The following HIP1 variants were observed in gnomAD, a reference collection of about 807,000 sequenced individuals.
HIP1 encodes huntingtin interacting protein 1.
A neutral mutation model predicts 147.6 loss-of-function variants in HIP1; 65 were observed. The ratio of observed to expected loss-of-function variants is 0.44; its 90% CI spans 0.36 to 0.54. The LOEUF is 0.54. HIP1 is among the 20% of genes least tolerant of loss of function. The pLI, the probability that HIP1 is intolerant of heterozygous loss-of-function variation, is 0.00. For synonymous variants in HIP1, 479 were observed against 504.0 expected (o/e 0.95, Z 0.67); for missense variants, 1,061 against 1,299.6 (o/e 0.82, Z 2.82).
At chr7:75,672,651 C>T (rs1340022781) in intron 1 of HIP1, among the ~76,000 whole-genome samples, 2 of 152,084 alleles carry the variant, frequency 1.3e-5, no homozygotes, top group African/African-American at 4.8e-5. Context: ...CGACAGTGTC[C>T]TTTGAAGCAA....
intron 1 of HIP1, among the ~76,000 whole-genome samples, chr7:75,609,542 C>T (rs587693454): frequency 6.6e-5 from 10 of 152,000 alleles, no homozygotes; most frequent in East Asian, 3.9e-4. Context: ...TCATACTCAA[C>T]GGTACCGTTT....
intron 29 of HIP1, among the ~76,000 whole-genome samples, chr7:75,539,664 A>G (rs1794231016): frequency 6.6e-6 from 1 of 151,940 alleles, no homozygotes; most frequent in African/African-American, 2.4e-5. Flanking sequence ...TGCATTGTGA[A>G]TTCCTCTTCT....
At chr7:75,603,174 G>A (rs1292646871) in intron 1 of HIP1, among the ~76,000 whole-genome samples, 4 of 151,614 alleles carry the variant, frequency 2.6e-5, no homozygotes, top group South Asian at 2.1e-4. Flanking sequence ...CAGCGAAACC[G>A]TGTCTCTACT....
At chr7:75,726,131 A>C (rs1218615655) in intron 1 of HIP1, among the ~76,000 whole-genome samples, 1 of 152,202 alleles carries the variant, frequency 6.6e-6, no homozygotes, top group African/African-American at 2.4e-5. Flanking sequence ...GGCGTGAGCC[A>C]CCGCGCCCAG....
intron 1 of HIP1, among the ~76,000 whole-genome samples, chr7:75,703,327 A>C (rs4731833): frequency 6.6e-6 from 1 of 151,828 alleles, no homozygotes; most frequent in African/African-American, 2.4e-5. Context: ...CAGCCTGGGC[A>C]ACAGAGCAAG....
At chr7:75,618,605 CA>C (rs1478122610) in intron 1 of HIP1, among the ~76,000 whole-genome samples, 4 of 152,108 alleles carry the variant, frequency 2.6e-5, no homozygotes, top group Non-Finnish European at 2.9e-5. Flanking sequence ...AGCTTTCTAA[CA>C]GTGAGGTTAG....
In HIP1 at chr7:75,606,532, C is replaced by T. The variant is rs1247053710; in HGVS notation, c.121-7285G>A. On this transcript the variant is annotated intron_variant, in intron 1 of 30. Transcript: ENST00000336926. ...TGCAGGTTGCAGTGAGCCGAGATCC[C>T]GCCATTGTACTCCTGCCTGGGCGAC... Among the ~76,000 whole-genome samples the T allele has an allele frequency of 5.9e-5, 9 of 151,780 alleles. No individual in the cohort carries two copies. The East Asian group carries it at 1.4e-3, about 23-fold the overall frequency.
At chr7:75,733,100 AT>A (rs1389735892) in intron 1 of HIP1, among the ~76,000 whole-genome samples, 2 of 152,156 alleles carry the variant, frequency 1.3e-5, no homozygotes, top group African/African-American at 4.8e-5. Context: ...AGACTATTTT[AT>A]TTGTCCTGTG....
intron 1 of HIP1, among the ~76,000 whole-genome samples, chr7:75,617,998 C>T (rs1479657528): frequency 6.6e-6 from 1 of 152,216 alleles, no homozygotes; most frequent in Non-Finnish European, 1.5e-5. Context: ...TCGTAATGGC[C>T]CTGGCCAGAG....
intron 1 of HIP1, among the ~76,000 whole-genome samples, chr7:75,642,918 G>C (rs1798692758): frequency 6.6e-6 from 1 of 152,178 alleles, no homozygotes; most frequent in African/African-American, 2.4e-5. Context: ...TGCATCTTGA[G>C]TGCCCTGGCC....
chr7:75,599,303 G>A, intron 1 of HIP1, 56 bp from the exon 2 acceptor site: 1 of 1,372,354 alleles, frequency 7.3e-7, no homozygotes, highest in Non-Finnish European at 1.0e-6. Context: ...GCCTCTGAGA[G>A]TGGCTGAGAC....
chr7:75,555,187 C>CGGGGGG (rs1178357186), intron 19 of HIP1, among the ~76,000 whole-genome samples: 1 of 7,834 alleles, frequency 1.3e-4, no homozygotes, highest in Non-Finnish European at 3.8e-4. Flanking sequence ...TCTCAAAAAG[C>CGGGGGG]GGGGGGGCGG....
At chr7:75,622,793 T>A (rs944784163) in intron 1 of HIP1, among the ~76,000 whole-genome samples, 1 of 151,386 alleles carries the variant, frequency 6.6e-6, no homozygotes, top group African/African-American at 2.4e-5. Flanking sequence ...TAGTGAGCTA[T>A]GACTGCGTTA....
intron 4 of HIP1, among the ~76,000 whole-genome samples, chr7:75,591,620 C>A (rs1246537013): frequency 6.6e-6 from 1 of 151,002 alleles, no homozygotes. Flanking sequence ...CACAGTGGCT[C>A]ATGTGTGTGA....
intron 27 of HIP1, among the ~76,000 whole-genome samples, chr7:75,543,195 T>A (rs1794403281): frequency 6.6e-6 from 1 of 152,102 alleles, no homozygotes; most frequent in Non-Finnish European, 1.5e-5. Context: ...CTAAGCATTA[T>A]CACTTATTTG....
intron 1 of HIP1, among the ~76,000 whole-genome samples, chr7:75,602,332 T>TTTTTC (rs1554503109): frequency 8.6e-6 from 1 of 116,064 alleles, no homozygotes; most frequent in African/African-American, 3.3e-5. Context: ...TTTTTTTTTT[T>TTTTTC]CAAAAGAGAT....
intron 23 of HIP1, 57 bp from the exon 24 acceptor site, chr7:75,547,870 G>A: frequency 6.9e-7 from 1 of 1,454,222 alleles, no homozygotes; most frequent in Non-Finnish European, 9.7e-7. Flanking sequence ...ATCCACTAAT[G>A]TCTTACTATA....
intron 1 of HIP1, among the ~76,000 whole-genome samples, chr7:75,652,765 G>A (rs1195507334): frequency 1.3e-5 from 2 of 152,180 alleles, no homozygotes; most frequent in African/African-American, 4.8e-5. Flanking sequence ...AAAGTCTGAA[G>A]TGGTGAAGAG....
chr7:75,627,318 AT>A (rs1798080318), intron 1 of HIP1, among the ~76,000 whole-genome samples: 1 of 152,192 alleles, frequency 6.6e-6, no homozygotes, highest in South Asian at 2.1e-4. Context: ...ACTTGGCAGA[AT>A]CAATCATTCC....
Sources: allele counts gnomAD v4.1 joint callset (sites outside exome capture counted in the v4.1 genomes callset), GRCh38; gene constraint gnomAD v4.1.1; transcripts MANE v1.5; gene names NCBI Gene and HGNC (gene_info 2026-07-23, HGNC 2026-07-21).